RET: variants seen among roughly 807,000 people sequenced by gnomAD.
RET encodes ret proto-oncogene, also known as proto-oncogene tyrosine-protein kinase receptor Ret.
A neutral mutation model predicts 118.3 loss-of-function variants in RET; 19 were observed. The ratio of observed to expected loss-of-function variants is 0.16; its 90% CI spans 0.11 to 0.24. The LOEUF is 0.24. Ranked by LOEUF, RET falls within the 10% of genes least tolerant of loss-of-function variation. The pLI is 1.00. For synonymous variants in RET, 597 were observed against 644.1 expected (o/e 0.93, Z 1.11); for missense variants, 1,219 against 1,502.1 (o/e 0.81, Z 3.12).
intron 1 of RET, among the ~76,000 whole-genome samples, chr10:43,088,767 C>T (rs938492729): frequency 6.6e-6 from 1 of 152,166 alleles, no homozygotes; most frequent in African/African-American, 2.4e-5. Context: ...GAGTCCACAG[C>T]CTTGCCTGGA....
chr10:43,087,541 G>GGGAC (rs1450983282), intron 1 of RET, among the ~76,000 whole-genome samples: 1 of 152,214 alleles, frequency 6.6e-6, no homozygotes, highest in Non-Finnish European at 1.5e-5. Flanking sequence ...AACTAAGAAT[G>GGGAC]GGACAGGCTG....
chr10:43,084,700 G>A (rs1339184748), intron 1 of RET, among the ~76,000 whole-genome samples: 2 of 152,150 alleles, frequency 1.3e-5, no homozygotes, highest in African/African-American at 4.8e-5. Context: ...CCTCACATGG[G>A]CATTGAATCA....
chr10:43,077,872 G>T (rs190910602), intron 1 of RET, among the ~76,000 whole-genome samples: 4 of 152,294 alleles, frequency 2.6e-5, no homozygotes, highest in African/African-American at 7.2e-5. Context: ...CTTTTCCCTC[G>T]TGCGTTTTTG....
chr10:43,090,435 G>C (rs1025130542), intron 1 of RET, among the ~76,000 whole-genome samples: 4 of 152,114 alleles, frequency 2.6e-5, no homozygotes, highest in Non-Finnish European at 5.9e-5. Context: ...GTTGAGACTG[G>C]GCCGCTTCTG....
rs141575017 is a variant in RET, at chr10:43,097,721, A to G, written c.74-2738A>G. ...TTCAAGAGAAGCTTTCTCCTGTTCT[A>G]TTTTCCCACTGTGGGACTCCAGACG... is the stretch of plus-strand genomic sequence containing the variant. On this transcript the variant is annotated intron_variant, in intron 1 of 19. Transcript: ENST00000355710. Among the ~76,000 whole-genome samples the G allele has an allele frequency of 1.3e-3, 201 of 152,098 alleles. 1 individual carries two copies. The highest frequency in any genetic ancestry group is 2.1e-3 in the Non-Finnish European group (142 of 67,990).
intron 1 of RET, among the ~76,000 whole-genome samples, chr10:43,084,498 T>C (rs1335085567): frequency 6.6e-6 from 1 of 152,236 alleles, no homozygotes; most frequent in Non-Finnish European, 1.5e-5. Context: ...GCTGGCCAGT[T>C]GCATGTCTCT....
intron 3 of RET, 150 bp from the exon 4 acceptor site, chr10:43,104,802 C>G (rs1837720819): frequency 8.3e-7 from 1 of 1,202,408 alleles, no homozygotes; most frequent in African/African-American, 1.5e-5. Context: ...GTGCTCCGAG[C>G]GCTGCCCTCC....
intron 1 of RET, among the ~76,000 whole-genome samples, chr10:43,082,970 G>T (rs1394373685): frequency 6.6e-6 from 1 of 152,164 alleles, no homozygotes; most frequent in Non-Finnish European, 1.5e-5. Context: ...CTGTTGCTGG[G>T]CTAGGGGCCA....
At position 43,130,228 on chromosome 10, in the gene RET, C is replaced by T; in HGVS notation, c.*1959C>T. On this transcript the variant is annotated 3_prime_UTR_variant, in exon 20 of 20. Transcript: ENST00000355710. ...GTATTACTGAGTATTAAGTAGTAAT[C>T]TGTCAGTTATTAAAATTTGTAAAAT... 5.1e-6 allele frequency: 2 copies of T among 391,928 alleles called. No individual in the cohort carries two copies. Among genetic ancestry groups the T allele is most frequent in the Non-Finnish European group, 9.0e-6 (2 of 222,544 alleles). 24.3% of individuals were successfully genotyped at this position (391,928 alleles called of 1,614,324 possible).
Position 43,107,090 on chromosome 10 carries a change from G to A in RET, c.1063+519G>A, listed in dbSNP as rs540986855. On this transcript the variant is annotated intron_variant, in intron 5 of 19. Coordinates refer to ENST00000355710, the MANE Select transcript of RET (RefSeq NM_020975.6). Reference sequence around the variant, plus strand: ...TGCTTGCAGGGCACCTTTCAGCAGCGGCCTTGCTTCCTGCCTCCCTCCGCC... The same window carrying A: ...TGCTTGCAGGGCACCTTTCAGCAGCAGCCTTGCTTCCTGCCTCCCTCCGCC... 6.6e-5 allele frequency among the ~76,000 whole-genome samples: 10 copies of A among 152,306 alleles called. No individual in the cohort carries two copies. The South Asian group carries it at 1.5e-3, about 22-fold the overall frequency.
intron 1 of RET, among the ~76,000 whole-genome samples, chr10:43,093,393 G>A (rs1474568855): frequency 6.6e-6 from 1 of 152,138 alleles, no homozygotes; most frequent in Non-Finnish European, 1.5e-5. Flanking sequence ...GCAGTGAGGT[G>A]GGGCCATACC....
intron 1 of RET, among the ~76,000 whole-genome samples, chr10:43,094,087 G>A (rs942043163): frequency 2.0e-5 from 3 of 151,354 alleles, no homozygotes; most frequent in African/African-American, 7.3e-5. Context: ...TGGGAGGGAA[G>A]CGGTGGGGGG....
chr10:43,077,120 G>A lies in RET; in HGVS notation c.-139G>A, dbSNP rs915755946. 1.9e-5 allele frequency: 23 copies of A among 1,213,202 alleles called. No homozygotes were observed. The highest frequency in any genetic ancestry group is 6.4e-5 in the African/African-American group (4 of 62,548). 75.2% of individuals were successfully genotyped at this position (1,213,202 alleles called of 1,614,324 possible). On this transcript the variant is annotated 5_prime_UTR_variant, in exon 1 of 20. Coordinates refer to ENST00000355710, the MANE Select transcript of RET (RefSeq NM_020975.6). ...AGCAGCGCTGAGTGCCCCGGAACGTGCGTCGCGCCCCCAGTGTCCGTCGCG... is the reference window on the plus strand; with the variant it reads ...AGCAGCGCTGAGTGCCCCGGAACGTACGTCGCGCCCCCAGTGTCCGTCGCG...
intron 1 of RET, among the ~76,000 whole-genome samples, chr10:43,080,932 T>G (rs1051867792): frequency 6.6e-6 from 1 of 152,198 alleles, no homozygotes; most frequent in African/African-American, 2.4e-5. Context: ...TGGCATCGGA[T>G]GGAAGCTACT....
intron 1 of RET, among the ~76,000 whole-genome samples, chr10:43,095,133 C>T (rs977152825): frequency 7.2e-5 from 11 of 152,148 alleles, no homozygotes; most frequent in Non-Finnish European, 2.9e-5. Context: ...GGATGCTAGG[C>T]TGGGGCTGCT....
rs1313234246 is a variant in RET, at chr10:43,104,964, C to T, written c.638C>T (p.Pro213Leu). The T allele has an allele frequency of 6.4e-7, 1 of 1,568,546 alleles. No individual in the cohort carries two copies. Among genetic ancestry groups the T allele is most frequent in the South Asian group, 1.2e-5 (1 of 86,792 alleles). The change falls in exon 4 of 20, where the codon CCC becomes CTC. Residue 213 changes from proline (P) to leucine (L), a missense_variant. By Grantham distance (98) the Pro-to-Leu change is moderately conservative. Coordinates refer to ENST00000355710, the MANE Select transcript of RET (RefSeq NM_020975.6). ...GCTTGGTGCGCAGGTGAGGGTCTGC[C>T]CTTCCGCTGCGCCCCGGACAGCCTG... is the stretch of plus-strand genomic sequence containing the variant. The part of the protein sequence containing the change: ...AYRLLEGEGL[P>L]FRCAPDSLEV...
intron 1 of RET, 116 bp from the exon 2 acceptor site, chr10:43,100,343 A>T (rs1439373373): frequency 3.4e-6 from 4 of 1,192,076 alleles, no homozygotes; most frequent in Non-Finnish European, 3.7e-6. Context: ...GTTCTCAGGA[A>T]CAGAGATGAA....
intron 1 of RET, among the ~76,000 whole-genome samples, chr10:43,090,631 G>T (rs1369317658): frequency 2.6e-5 from 4 of 152,016 alleles, no homozygotes; most frequent in African/African-American, 4.8e-5. Flanking sequence ...AACTGTGTTG[G>T]TATAAGACAA....
chr10:43,096,578 G>A lies in RET; in HGVS notation c.74-3881G>A, dbSNP rs116334300. ...ACGCCTGGCTGCACCTGCACTGGCC[G>A]TTCCTCCTCTCCTTAGCATGCCTCC... is the stretch of plus-strand genomic sequence containing the variant. On this transcript the variant is annotated intron_variant, in intron 1 of 19. Transcript: ENST00000355710. 7.9e-3 allele frequency among the ~76,000 whole-genome samples: 1,197 copies of A among 152,214 alleles called. 16 individuals are homozygous for A. Among genetic ancestry groups the A allele is most frequent in the African/African-American group, 0.028 (1,150 of 41,514 alleles).
Sources: gnomAD v4.1 joint callset for allele counts (sites outside exome capture counted in the v4.1 genomes callset) on GRCh38, gnomAD v4.1.1 for gene constraint, MANE v1.5 for transcripts, NCBI Gene and HGNC (gene_info 2026-07-23, HGNC 2026-07-21) for gene names.